Variants in TYMS observed in about 807,000 individuals in gnomAD.
The protein encoded by TYMS is thymidylate synthetase.
TYMS carries 21 observed loss-of-function variants against 39.3 expected under a neutral mutation model. The observed-to-expected ratio is 0.54, with a 90% CI of 0.38 to 0.77. TYMS has a LOEUF of 0.77. Among genes scored for constraint, TYMS ranks in the 30% least tolerant of loss-of-function variants. The pLI, the probability that TYMS is intolerant of heterozygous loss-of-function variation, is 0.00. For missense variants in TYMS, 273 were observed against 406.7 expected (o/e 0.67, Z 2.83); for synonymous variants, 171 against 162.2 (o/e 1.05, Z -0.41).
intron 3 of TYMS, among the ~76,000 whole-genome samples, chr18:668,162 A>G (rs1395832687): frequency 6.6e-6 from 1 of 151,982 alleles, no homozygotes; most frequent in Non-Finnish European, 1.5e-5. Flanking sequence ...TGTATTTGCA[A>G]TTTTAGCACG....
chr18:673,111 C>A lies in TYMS; in HGVS notation c.*114C>A. On this transcript the variant is annotated 3_prime_UTR_variant, in exon 7 of 7. Coordinates refer to ENST00000323274, the MANE Select transcript of TYMS (RefSeq NM_001071.4). ...AAAGGAACTAGGTCAAAAATCTGTC[C>A]GTGACCTATCAGTTATTAATTTTTA... is the stretch of plus-strand genomic sequence containing the variant. 8.7e-7 allele frequency: 1 copy of A among 1,146,946 alleles called. No individual in the cohort carries two copies. Among genetic ancestry groups the A allele is most frequent in the Non-Finnish European group, 1.2e-6 (1 of 838,002 alleles). The allele number at this position is 1,146,946 out of a possible 1,614,324, so 71.0% of individuals were successfully genotyped here.
At chr18:666,945 T>A (rs74333811) in intron 3 of TYMS, among the ~76,000 whole-genome samples, 1,109 of 27,910 alleles carry the variant, frequency 0.04, 122 homozygotes, top group East Asian at 0.12. Flanking sequence ...ATGGAGATGG[T>A]GATGGTGATG....
At chr18:668,920 T>C (rs2074919544) in intron 3 of TYMS, 152 bp from the exon 4 acceptor site, 1 of 584,032 alleles carries the variant, frequency 1.7e-6, no homozygotes, top group Non-Finnish European at 3.0e-6. Flanking sequence ...CCCACCGAGA[T>C]CTGCAAACTT....
chr18:662,115 A>T (rs746524154), intron 2 of TYMS, 31 bp from the exon 3 acceptor site: 1 of 1,572,280 alleles, frequency 6.4e-7, no homozygotes, highest in Non-Finnish European at 8.6e-7. Flanking sequence ...ATTTACCTGG[A>T]TGCCTGCTCT....
intron 3 of TYMS, among the ~76,000 whole-genome samples, chr18:663,023 A>G (rs2074773015): frequency 1.4e-5 from 2 of 139,400 alleles, no homozygotes; most frequent in African/African-American, 3.0e-5. Context: ...TCCTTTGGGT[A>G]TATACCCAGT....
Position 671,443 on chromosome 18 carries a change from A to C in TYMS, c.796A>C (p.Lys266Gln), listed in dbSNP as rs2075045758. The C allele has an allele frequency of 6.2e-7, 1 of 1,608,426 alleles. No individual in the cohort carries two copies. The highest frequency in any genetic ancestry group is 2.2e-5 in the East Asian group (1 of 44,866). ...TTACCTGAATCACATCGAGCCACTG[A>C]AAATTCAGGTAAGAATTAGATGTTA... is the stretch of plus-strand genomic sequence containing the variant. ...HIYLNHIEPL[K>Q]IQLQREPRPF... is the part of the protein sequence containing the mutation. The change falls in exon 6 of 7, where the codon AAA (lysine) becomes CAA (glutamine). Residue 266 changes from lysine (K) to glutamine (Q), a missense_variant. Coordinates refer to ENST00000323274, the MANE Select transcript of TYMS (RefSeq NM_001071.4).
At chr18:671,302 C>A in intron 5 of TYMS, 78 bp from the exon 6 acceptor site, 1 of 959,886 alleles carries the variant, frequency 1.0e-6, no homozygotes, top group Non-Finnish European at 1.7e-6. Flanking sequence ...GCGGTGTCTG[C>A]ATATTCTAAT....
chr18:669,926 C>T (rs960181286), intron 4 of TYMS, among the ~76,000 whole-genome samples: 1 of 151,946 alleles, frequency 6.6e-6, no homozygotes, highest in Non-Finnish European at 1.5e-5. Flanking sequence ...CACGCCATTG[C>T]ACTCCAGCCT....
At chr18:667,107 AGATGGTGATGGT>A (rs1212083746) in intron 3 of TYMS, among the ~76,000 whole-genome samples, 11 of 37,388 alleles carry the variant, frequency 2.9e-4, no homozygotes, top group Non-Finnish European at 4.7e-4. Flanking sequence ...ATGGAGATGG[AGATGGTGATGGT>A]GATGGTGATG....
At chr18:670,392 T>C in intron 4 of TYMS, 1 of 286,266 alleles carries the variant, frequency 3.5e-6, no homozygotes, top group East Asian at 7.2e-5. Flanking sequence ...GCAAACAGAA[T>C]TATTCCTGCT....
At chr18:667,571 A>AGATGGAGATGGT (rs2074880015) in intron 3 of TYMS, 7 of 27,968 alleles carry the variant, frequency 2.5e-4, no homozygotes, top group South Asian at 1.1e-3. Flanking sequence ...ATGGTGATGG[A>AGATGGAGATGGT]GATGGTGATG....
At position 671,370 on chromosome 18, in the gene TYMS, G is replaced by A; in HGVS notation, c.733-10G>A. The stretch of plus-strand genomic sequence containing the variant: ...AACATACTGTTCTGCTTTCTCCCCC[G>A]GGTTTATAGCCAGGTGACTTTATAC... On this transcript the variant is annotated splice_polypyrimidine_tract_variant and intron_variant, in intron 5 of 6. Transcript: ENST00000323274. 1 of 1,590,020 alleles carries A rather than the reference G, an allele frequency of 6.3e-7. No homozygotes were observed. Among genetic ancestry groups the A allele is most frequent in the Non-Finnish European group, 8.6e-7 (1 of 1,158,138 alleles).
intron 2 of TYMS, among the ~76,000 whole-genome samples, chr18:661,715 G>A (rs2074757173): frequency 6.6e-6 from 1 of 152,236 alleles, no homozygotes; most frequent in Admixed American, 6.5e-5. Context: ...GCTGGGTGTG[G>A]TGGCTCACGC....
In TYMS at chr18:673,063, A is replaced by T. The variant is rs1303772608; in HGVS notation, c.*66A>T. 2 of 1,434,354 alleles carry T rather than the reference A, an allele frequency of 1.4e-6. No homozygotes were observed. The highest frequency in any genetic ancestry group is 4.3e-5 in the Admixed American group (2 of 46,024). 88.9% of individuals were successfully genotyped at this position (1,434,354 alleles called of 1,614,324 possible). On this transcript the variant is annotated 3_prime_UTR_variant, in exon 7 of 7. Coordinates refer to ENST00000323274, the MANE Select transcript of TYMS (RefSeq NM_001071.4). The stretch of plus-strand genomic sequence containing the variant: ...GGGGTTGGGCTGGATGCCGAGGTAA[A>T]AGTTCTTTTTGCTCTAAAAGAAAAA...
chr18:667,065 TGATGGTGATGGA>T (rs1197066717), intron 3 of TYMS, among the ~76,000 whole-genome samples: 1 of 39,928 alleles, frequency 2.5e-5, no homozygotes, highest in Non-Finnish European at 4.3e-5. Flanking sequence ...ATGGAGATGG[TGATGGTGATGGA>T]GATGGTGATG....
chr18:664,201 G>T (rs2074784526), intron 3 of TYMS, among the ~76,000 whole-genome samples: 1 of 151,918 alleles, frequency 6.6e-6, no homozygotes, highest in Non-Finnish European at 1.5e-5. Flanking sequence ...ATTGAGCAGT[G>T]GTTTGTAGTT....
intron 3 of TYMS, chr18:667,844 C>T (rs2074887881): frequency 6.6e-6 from 1 of 152,096 alleles, no homozygotes; most frequent in Admixed American, 6.5e-5. Context: ...GCTTTAAATC[C>T]TGCCTAGTAT....
Position 658,265 on chromosome 18 carries a change from G to C in TYMS, c.205+318G>C. ...GGCGTCATCGGGCAGCGTTTGCCCA[G>C]TGCTGGAGGGTTAGGGAGAGCTGCC... On this transcript the variant is annotated intron_variant, in intron 1 of 6. Transcript: ENST00000323274. The surrounding 1 kb of genome is among the most constrained non-coding windows in gnomAD (Gnocchi z 4.5). 1 of 1,452,488 alleles carries C rather than the reference G, an allele frequency of 6.9e-7. No individual in the cohort carries two copies. 90.0% of individuals were successfully genotyped at this position (1,452,488 alleles called of 1,614,324 possible).
In TYMS at chr18:658,470, CT is replaced by C. The variant is rs556504524; in HGVS notation, c.205+524del. On this transcript the variant is annotated intron_variant, in intron 1 of 6. Coordinates refer to ENST00000323274, the MANE Select transcript of TYMS (RefSeq NM_001071.4). The surrounding 1 kb of genome is among the most constrained non-coding windows in gnomAD (Gnocchi z 4.5). The stretch of plus-strand genomic sequence containing the variant: ...CGCGGGAACTTGGTTTCCTGGTGGC[CT>C]CCCATCCAATCCCCACGAACCAGCT... The C allele has an allele frequency of 5.4e-4, 282 of 526,700 alleles. 2 individuals carry two copies. The highest frequency in any genetic ancestry group is 5.3e-3 in the African/African-American group (259 of 48,758). 32.6% of individuals were successfully genotyped at this position (526,700 alleles called of 1,614,324 possible). A position where few individuals can be genotyped will look rare whatever the true frequency, so the allele number is the denominator to read the frequency against.
Sources: allele counts gnomAD v4.1 joint callset (sites outside exome capture counted in the v4.1 genomes callset), GRCh38; gene constraint gnomAD v4.1.1; non-coding constraint Gnocchi (gnomAD v3.1); transcripts MANE v1.5; gene names NCBI Gene and HGNC (gene_info 2026-07-23, HGNC 2026-07-21).